FBN1: variants seen among roughly 807,000 people sequenced by gnomAD.
FBN1 encodes the protein fibrillin 1.
A neutral mutation model predicts 365.1 loss-of-function variants in FBN1; 29 were observed. The ratio of observed to expected loss-of-function variants is 0.08; its 90% confidence interval spans 0.06 to 0.11. The LOEUF is 0.11. Among genes scored for constraint, FBN1 ranks in the 10% least tolerant of loss-of-function variants. The pLI is 1.00. For synonymous variants in FBN1, 1,210 were observed against 1,270.5 expected (o/e 0.95, Z 1.01); for missense variants, 2,476 against 3,703.2 (o/e 0.67, Z 8.60).
In FBN1 at chr15:48,409,269, C is replaced by A. The variant is rs539021839; in HGVS notation, c.*1721G>T. On this transcript the variant is annotated 3_prime_UTR_variant, in exon 66 of 66. Coordinates refer to ENST00000316623, the MANE Select transcript of FBN1 (RefSeq NM_000138.5). ...CAGTGAGTAGCTCTATAATTGGGAC[C>A]GTGTGTATTAAACTGGGGCTGACAT... The A allele has an allele frequency of 1.3e-5, 2 of 152,222 alleles. No homozygotes were observed. The highest frequency in any genetic ancestry group is 4.8e-5 in the African/African-American group (2 of 41,540). 9.4% of individuals were successfully genotyped at this position (152,222 alleles called of 1,614,324 possible). A position where few individuals can be genotyped will look rare whatever the true frequency, so the allele number is the denominator to read the frequency against.
rs773655866 is a variant in FBN1 at position 48,428,374 on chromosome 15, G to A, written c.6969C>T (p.Thr2323=). The A allele has an allele frequency of 9.9e-6, 16 of 1,613,984 alleles. No individual in the cohort carries two copies. The highest frequency in any genetic ancestry group is 5.0e-5 in the Admixed American group (3 of 60,000). The change falls in exon 57 of 66, where the codon ACC becomes ACT. Residue 2323 remains threonine (T), a synonymous_variant. Transcript: ENST00000316623. ...GGCACTCGTCCTGGTTGGGGCTGGC[G>A]GTAAACCCATCATTACACTCACAGG... The part of the protein sequence containing the change: ...SYTCECNDGF[T]ASPNQDECLD...
At chr15:48,576,655 A>G (rs2044350144) in intron 6 of FBN1, among the ~76,000 whole-genome samples, 1 of 152,198 alleles carries the variant, frequency 6.6e-6, no homozygotes, top group Non-Finnish European at 1.5e-5. Flanking sequence ...GCACTCGTTC[A>G]TTCATTCATT....
At chr15:48,428,492 A>G (rs1191250830) in intron 56 of FBN1, 21 bp from the exon 57 acceptor site, 1 of 1,613,604 alleles carries the variant, frequency 6.2e-7, no homozygotes, top group Non-Finnish European at 8.5e-7. Context: ...TTATTGAAGG[A>G]CCAAAAACAA....
At chr15:48,420,359 G>A (rs1016239328) in intron 63 of FBN1, among the ~76,000 whole-genome samples, 1 of 152,168 alleles carries the variant, frequency 6.6e-6, no homozygotes, top group African/African-American at 2.4e-5. Context: ...TCAGTCATAA[G>A]TAAGATTTTT....
At chr15:48,446,576 C>A (rs1411181691) in intron 47 of FBN1, 130 bp downstream of exon 47, 4 of 733,754 alleles carry the variant, frequency 5.5e-6, no homozygotes. Flanking sequence ...TGACAAGTCC[C>A]ATAACCAATT....
intron 15 of FBN1, among the ~76,000 whole-genome samples, chr15:48,507,311 T>C (rs1274918150): frequency 6.6e-6 from 1 of 152,210 alleles, no homozygotes; most frequent in African/African-American, 2.4e-5. Context: ...CTTTTTTACT[T>C]GTACAGTGCT....
At position 48,526,138 on chromosome 15, in the gene FBN1, C is replaced by G. The variant is rs775206410; in HGVS notation, c.980G>C (p.Arg327Thr). The change falls in exon 9 of 66, where the codon AGA becomes ACA. Residue 327 changes from arginine to threonine, a missense_variant. Arg to Thr is a moderately conservative substitution (Grantham distance 71, BLOSUM62 -1). This residue lies in a region of FBN1 where 421 missense variants were observed against 520.1 expected (regional missense o/e 0.81). Coordinates refer to ENST00000316623, the MANE Select transcript of FBN1 (RefSeq NM_000138.5). Reference sequence around the variant, plus strand: ...TTTGTCATTAAACCTACCTATGCATCTGGTACCATCTGGAGAGGTGTAAAA... The same window carrying G: ...TTTGTCATTAAACCTACCTATGCATGTGGTACCATCTGGAGAGGTGTAAAA... ...PGFYTSPDGT[R>T]CIDVRPGYCY... The G allele has an allele frequency of 6.2e-6, 10 of 1,614,030 alleles. No homozygotes were observed. The African/African-American group carries it at 9.3e-5, about 15-fold the overall frequency.
At position 48,434,718 on chromosome 15, in the gene FBN1, AAG is replaced by A. The variant is rs1172988298; in HGVS notation, c.6497-7_6497-6del. ...CAACAGAACATTCATCAGTATCTGC[AAG>A]AAACCAGGAATGTGTCCAAAACATG... On this transcript the variant is annotated splice_polypyrimidine_tract_variant and splice_region_variant and intron_variant, in intron 53 of 65. Coordinates refer to ENST00000316623, the MANE Select transcript of FBN1 (RefSeq NM_000138.5). 3 of 1,613,546 alleles carry A rather than the reference AAG, an allele frequency of 1.9e-6. No homozygotes were observed. In the African/African-American group the frequency reaches 4.0e-5, roughly 22 times the overall value.
At chr15:48,414,690 AT>A (rs2042888144) in intron 64 of FBN1, among the ~76,000 whole-genome samples, 1 of 152,098 alleles carries the variant, frequency 6.6e-6, no homozygotes. Context: ...AGGTCCGGAG[AT>A]CGAGACCATC....
At chr15:48,608,910 T>C (rs1320869637) in intron 4 of FBN1, among the ~76,000 whole-genome samples, 1 of 152,230 alleles carries the variant, frequency 6.6e-6, no homozygotes, top group Non-Finnish European at 1.5e-5. Flanking sequence ...CATTATCAGT[T>C]CACATTATCA....
At position 48,568,049 on chromosome 15, in the gene FBN1, G is replaced by GAAAGAAAGAAAGAAAGAAGA. The variant is rs369157930; in HGVS notation, c.538+28233_538+28234insTCTTCTTTCTTTCTTTCTTT. ...AGAAAGAAAGAAAGAAAGAAAGAAA[G>GAAAGAAAGAAAGAAAGAAGA]AAGAAAGAAAGAAAGAAAGAAAGAA... On this transcript the variant is annotated intron_variant, in intron 6 of 65. Coordinates refer to ENST00000316623, the MANE Select transcript of FBN1 (RefSeq NM_000138.5). 7.9e-3 allele frequency among the ~76,000 whole-genome samples: 318 copies of GAAAGAAAGAAAGAAAGAAGA among 40,012 alleles called. 3 individuals carry two copies. The highest frequency in any genetic ancestry group is 0.01 in the East Asian group (15 of 1,434). The allele number at this position is 40,012 out of a possible 152,430, so 26.2% of individuals were successfully genotyped here.
chr15:48,547,405 C>G (rs1483016258), intron 6 of FBN1, among the ~76,000 whole-genome samples: 1 of 152,110 alleles, frequency 6.6e-6, no homozygotes, highest in Non-Finnish European at 1.5e-5. Flanking sequence ...AATCCAAGAC[C>G]ACTAGCTTTA....
At chr15:48,509,089 A>G (rs975303105) in intron 14 of FBN1, among the ~76,000 whole-genome samples, 1 of 152,216 alleles carries the variant, frequency 6.6e-6, no homozygotes, top group African/African-American at 2.4e-5. Context: ...GAATATGAAC[A>G]TAAGTCAAAA....
chr15:48,433,225 TTTG>T (rs1295368018), intron 54 of FBN1, among the ~76,000 whole-genome samples: 2 of 152,158 alleles, frequency 1.3e-5, no homozygotes, highest in Admixed American at 1.3e-4. Flanking sequence ...CCAGTTTATG[TTTG>T]TTGTCCTGGT....
intron 44 of FBN1, among the ~76,000 whole-genome samples, chr15:48,455,317 T>G (rs1274945605): frequency 6.6e-6 from 1 of 152,214 alleles, no homozygotes; most frequent in African/African-American, 2.4e-5. Flanking sequence ...AAGGTCTAAG[T>G]TGACTTGGTG....
At chr15:48,417,515 T>G (rs990140666) in intron 63 of FBN1, among the ~76,000 whole-genome samples, 3 of 144,590 alleles carry the variant, frequency 2.1e-5, no homozygotes, top group African/African-American at 7.7e-5. Flanking sequence ...CTTCTCTCTT[T>G]CCCTCCTTCC....
At chr15:48,633,843 G>A (rs1415752432) in intron 2 of FBN1, among the ~76,000 whole-genome samples, 3 of 152,104 alleles carry the variant, frequency 2.0e-5, no homozygotes, top group Admixed American at 6.5e-5. Context: ...CCAACAACGC[G>A]CCTCTTAGGT....
chr15:48,505,814 TAA>T (rs1037370702), intron 15 of FBN1, among the ~76,000 whole-genome samples: 1 of 152,242 alleles, frequency 6.6e-6, no homozygotes, highest in Non-Finnish European at 1.5e-5. Flanking sequence ...GGAGGTCTGG[TAA>T]AAGACTTTAT....
intron 56 of FBN1, among the ~76,000 whole-genome samples, chr15:48,430,097 A>C (rs1222111574): frequency 6.6e-6 from 1 of 152,224 alleles, no homozygotes; most frequent in Admixed American, 6.5e-5. Flanking sequence ...ATTTATAAAA[A>C]CACACAGTGG....
Sources: gnomAD v4.1 joint callset for allele counts (sites outside exome capture counted in the v4.1 genomes callset) on GRCh38, gnomAD v4.1.1 for gene constraint, gnomAD v4.1.1 regional missense constraint, MANE v1.5 for transcripts, NCBI Gene and HGNC (gene_info 2026-07-23, HGNC 2026-07-21) for gene names.